TP63: variants seen among roughly 807,000 people sequenced by gnomAD.
The protein encoded by TP63 is tumor protein p63.
Under a neutral mutation model 82.8 loss-of-function variants are expected in TP63, and 17 were observed. The ratio of observed to expected loss-of-function variants is 0.21; its 90% confidence interval spans 0.14 to 0.31. The LOEUF is 0.31. Ranked by LOEUF, TP63 falls within the 10% of genes least tolerant of loss-of-function variation. The pLI is 1.00. For synonymous variants in TP63, 330 were observed against 321.7 expected (o/e 1.03, Z -0.28); for missense variants, 648 against 895.3 (o/e 0.72, Z 3.52).
At chr3:189,720,729 C>A (rs925698344) in intron 1 of TP63, among the ~76,000 whole-genome samples, 1 of 95,490 alleles carries the variant, frequency 1.0e-5, no homozygotes, top group Non-Finnish European at 2.0e-5. Context: ...AGTGAAACTC[C>A]GTCTCAGAAA....
At chr3:189,651,585 TG>T (rs573632341) in intron 1 of TP63, among the ~76,000 whole-genome samples, 1 of 144,724 alleles carries the variant, frequency 6.9e-6, no homozygotes, top group Non-Finnish European at 1.5e-5. Flanking sequence ...AAACCCATTT[TG>T]GGGGGAGAAA....
chr3:189,638,959 G>A (rs1305856448), intron 1 of TP63, among the ~76,000 whole-genome samples: 2 of 152,088 alleles, frequency 1.3e-5, no homozygotes, highest in African/African-American at 4.8e-5. Flanking sequence ...TAGAGATAAT[G>A]AAAAACAGAG....
At chr3:189,773,586 A>T (rs937417977) in intron 3 of TP63, among the ~76,000 whole-genome samples, 1 of 152,214 alleles carries the variant, frequency 6.6e-6, no homozygotes, top group East Asian at 1.9e-4. Flanking sequence ...TTAAAGAACA[A>T]TAGTGGCTGC....
At chr3:189,646,191 G>T (rs1450198983) in intron 1 of TP63, among the ~76,000 whole-genome samples, 1 of 147,156 alleles carries the variant, frequency 6.8e-6, no homozygotes, top group African/African-American at 2.5e-5. Context: ...ACTTGAAGTT[G>T]TAGTTCAACA....
intron 3 of TP63, among the ~76,000 whole-genome samples, chr3:189,781,536 C>T (rs556394217): frequency 4.6e-5 from 7 of 152,252 alleles, no homozygotes; most frequent in African/African-American, 4.8e-5. Flanking sequence ...ATGCAATCCC[C>T]GCCCCACCTG....
At chr3:189,817,349 C>T (rs933139138) in intron 4 of TP63, among the ~76,000 whole-genome samples, 10 of 152,072 alleles carry the variant, frequency 6.6e-5, no homozygotes, top group African/African-American at 2.4e-4. Context: ...CTGACAGGCT[C>T]CTGAGGAGTG....
chr3:189,756,739 C>T (rs1049792519), intron 3 of TP63, among the ~76,000 whole-genome samples: 1 of 152,180 alleles, frequency 6.6e-6, no homozygotes, highest in Non-Finnish European at 1.5e-5. Context: ...TCTCCTCCCT[C>T]TCTTTTTAAG....
chr3:189,681,941 C>A (rs1715943117), intron 1 of TP63, among the ~76,000 whole-genome samples: 1 of 152,116 alleles, frequency 6.6e-6, no homozygotes, highest in African/African-American at 2.4e-5. Context: ...GCTTTGAAAA[C>A]TATATTGTCA....
intron 4 of TP63, 111 bp from the exon 5 acceptor site, chr3:189,864,121 C>G (rs1717394406): frequency 1.5e-6 from 2 of 1,361,340 alleles, no homozygotes; most frequent in Non-Finnish European, 2.1e-6. Flanking sequence ...AGTAAACAGG[C>G]AGCATGCAGC....
chr3:189,621,948 C>T, the TP63 span, among the ~76,000 whole-genome samples: 2 of 152,184 alleles, frequency 1.3e-5, no homozygotes. Context: ...CAAGGTAGCA[C>T]TTTAAATTTA....
intron 1 of TP63, among the ~76,000 whole-genome samples, chr3:189,715,611 C>T (rs143102691): frequency 6.6e-6 from 1 of 152,158 alleles, no homozygotes; most frequent in East Asian, 1.9e-4. Context: ...AGTCTGAAAC[C>T]GTCTCTCTGG....
intron 4 of TP63, among the ~76,000 whole-genome samples, chr3:189,858,924 A>G (rs1218845806): frequency 6.6e-6 from 1 of 152,154 alleles, no homozygotes; most frequent in Non-Finnish European, 1.5e-5. Flanking sequence ...TTAATCTCAT[A>G]GAAGTTGAGA....
intron 3 of TP63, among the ~76,000 whole-genome samples, chr3:189,782,485 C>A (rs775048320): frequency 2.2e-4 from 34 of 152,018 alleles, no homozygotes; most frequent in Non-Finnish European, 4.3e-4. Context: ...AAACATAAGA[C>A]AATACAGTGC....
chr3:189,817,100 A>G (rs1051797404), intron 4 of TP63, among the ~76,000 whole-genome samples: 6 of 152,058 alleles, frequency 3.9e-5, no homozygotes, highest in Non-Finnish European at 7.4e-5. Context: ...GTTAGTACCA[A>G]CCTTTCAAGT....
In TP63 at chr3:189,649,052, T is replaced by C. The variant is rs1291239724; in HGVS notation, c.62+17475T>C. ...TAAGCACCATCTATGGGCTAAGCCT[T>C]ATACCAGGCACTAGTTAGCAAAAAG... On this transcript the variant is annotated intron_variant, in intron 1 of 13. Coordinates refer to ENST00000264731, the MANE Select transcript of TP63 (RefSeq NM_003722.5). Among the ~76,000 whole-genome samples the C allele has an allele frequency of 1.4e-5, 2 of 147,210 alleles. 1 individual carries two copies. Among genetic ancestry groups the C allele is most frequent in the African/African-American group, 5.1e-5 (2 of 39,298 alleles).
chr3:189,681,201 T>C (rs1379319481), intron 1 of TP63, among the ~76,000 whole-genome samples: 2 of 148,178 alleles, frequency 1.3e-5, no homozygotes, highest in Admixed American at 6.8e-5. Context: ...TAGTCACTTA[T>C]GTATCTTTTC....
intron 1 of TP63, among the ~76,000 whole-genome samples, chr3:189,735,158 A>C (rs1159223468): frequency 6.6e-6 from 1 of 151,972 alleles, no homozygotes; most frequent in Non-Finnish European, 1.5e-5. Flanking sequence ...TTTTGTTTTT[A>C]CCTTGGCTTC....
chr3:189,785,246 G>T (rs140064161), intron 3 of TP63, among the ~76,000 whole-genome samples: 76 of 152,016 alleles, frequency 5.0e-4, no homozygotes, highest in African/African-American at 1.8e-3. Flanking sequence ...ATCTCTCTGT[G>T]TCCGTCTCAT....
chr3:189,626,825 T>G (rs953427472), upstream of TP63, among the ~76,000 whole-genome samples: 1 of 152,192 alleles, frequency 6.6e-6, no homozygotes, highest in African/African-American at 2.4e-5. Flanking sequence ...AATTTATAAT[T>G]TATCCTGGTT....
Sources: gnomAD v4.1 joint callset for allele counts (sites outside exome capture counted in the v4.1 genomes callset) on GRCh38, gnomAD v4.1.1 for gene constraint, MANE v1.5 for transcripts, NCBI Gene and HGNC (gene_info 2026-07-23, HGNC 2026-07-21) for gene names.